The following CCSER1 variants were observed in gnomAD, a reference collection of about 807,000 sequenced individuals.
CCSER1 encodes the protein coiled-coil serine rich protein 1, also known as serine-rich coiled-coil domain-containing protein 1.
CCSER1 carries 41 observed loss-of-function variants against 82.0 expected under a neutral mutation model. That is an observed-to-expected ratio of 0.50 (90% CI 0.39 to 0.65). The LOEUF is 0.65. Among genes scored for constraint, CCSER1 ranks in the 30% least tolerant of loss-of-function variants. The pLI, the probability that CCSER1 is intolerant of heterozygous loss-of-function variation, is 0.00. For synonymous variants in CCSER1, 414 were observed against 383.9 expected, an observed-to-expected ratio of 1.08 and a Z score of -0.92; for missense variants, 1,119 against 1,064.2, an observed-to-expected ratio of 1.05 and a Z score of -0.72.
At chr4:90,239,163 A>G (rs1297066941) in intron 1 of CCSER1, among the ~76,000 whole-genome samples, 1 of 152,176 alleles carries the variant, frequency 6.6e-6, no homozygotes, top group East Asian at 1.9e-4. Flanking sequence ...GTTTTAGTCA[A>G]TAACAAAAAC....
chr4:90,622,343 A>C (rs141388373), intron 5 of CCSER1, among the ~76,000 whole-genome samples: 3 of 152,168 alleles, frequency 2.0e-5, no homozygotes. Flanking sequence ...ATATGTATAC[A>C]TGTGCCATGT....
chr4:90,159,914 T>G (rs1488660187), intron 1 of CCSER1, among the ~76,000 whole-genome samples: 1 of 152,252 alleles, frequency 6.6e-6, no homozygotes, highest in Non-Finnish European at 1.5e-5. Flanking sequence ...TAAGTATAAT[T>G]AAAATCATAG....
At chr4:90,916,907 GA>G (rs200434843) in intron 8 of CCSER1, among the ~76,000 whole-genome samples, 70,985 of 151,922 alleles carry the variant, frequency 0.47, 18,238 homozygotes, top group African/African-American at 0.7. Context: ...AGAGACACAT[GA>G]AAAAAATGCT....
chr4:91,201,324 T>G lies in CCSER1; in HGVS notation c.2217+115330T>G, dbSNP rs541904858. Among the ~76,000 whole-genome samples the G allele has an allele frequency of 1.4e-4, 21 of 152,166 alleles. 1 individual carries two copies. The South Asian group carries it at 4.3e-3, about 31-fold the overall frequency. On this transcript the variant is annotated intron_variant, in intron 10 of 10. Transcript: ENST00000509176. The stretch of plus-strand genomic sequence containing the variant: ...CCACTTTGTATGTAGAAATAACCTA[T>G]AAGCTCAGTTTCCATGAATAAATGA...
At chr4:91,291,746 A>G (rs1743767346) in intron 10 of CCSER1, among the ~76,000 whole-genome samples, 1 of 151,948 alleles carries the variant, frequency 6.6e-6, no homozygotes, top group Non-Finnish European at 1.5e-5. Flanking sequence ...GGGGATTACA[A>G]TTTGCCATGG....
chr4:91,082,560 G>T (rs540906208), intron 9 of CCSER1, among the ~76,000 whole-genome samples: 132 of 152,240 alleles, frequency 8.7e-4, no homozygotes, highest in African/African-American at 2.9e-3. Flanking sequence ...ATTGACAAAT[G>T]GGATCTAATT....
At chr4:91,295,865 G>A (rs974009262) in intron 10 of CCSER1, among the ~76,000 whole-genome samples, 1 of 151,762 alleles carries the variant, frequency 6.6e-6, no homozygotes, top group African/African-American at 2.4e-5. Flanking sequence ...TGTTTTAAAA[G>A]CCATTTGAGT....
At chr4:91,072,431 A>C (rs1173910436) in intron 9 of CCSER1, among the ~76,000 whole-genome samples, 1 of 152,028 alleles carries the variant, frequency 6.6e-6, no homozygotes. Context: ...TGAATTCAAA[A>C]CCAATCATTT....
At chr4:91,013,791 T>G (rs1279956272) in intron 9 of CCSER1, among the ~76,000 whole-genome samples, 4 of 127,842 alleles carry the variant, frequency 3.1e-5, no homozygotes, top group African/African-American at 1.0e-4. Flanking sequence ...TTTTTTTTTT[T>G]TTTGTATTTT....
chr4:91,003,261 A>G (rs1253154467), intron 9 of CCSER1, among the ~76,000 whole-genome samples: 1 of 152,022 alleles, frequency 6.6e-6, no homozygotes, highest in Non-Finnish European at 1.5e-5. Flanking sequence ...GGGAGGAAGA[A>G]GTGGTGGGCA....
At chr4:90,720,750 CTA>C (rs1227685547) in intron 6 of CCSER1, among the ~76,000 whole-genome samples, 1 of 151,896 alleles carries the variant, frequency 6.6e-6, no homozygotes, top group African/African-American at 2.4e-5. Flanking sequence ...GAAGATAATA[CTA>C]TGTTTCCCAA....
chr4:90,412,753 AC>A (rs1755087832), intron 4 of CCSER1, among the ~76,000 whole-genome samples: 1 of 152,172 alleles, frequency 6.6e-6, no homozygotes, highest in Non-Finnish European at 1.5e-5. Context: ...GAAGGGACAT[AC>A]CTTAAGGTAA....
chr4:90,723,954 C>T lies in CCSER1; in HGVS notation c.1973C>T (p.Pro658Leu), dbSNP rs371145987. 18 of 1,583,816 alleles carry T rather than the reference C, an allele frequency of 1.1e-5. No individual in the cohort carries two copies. In the African/African-American group the frequency reaches 2.4e-4, roughly 21 times the overall value. The change falls in exon 7 of 11, where the codon CCT (proline) becomes CTT (leucine). Residue 658 changes from proline to leucine, a missense_variant. Coordinates refer to ENST00000509176, the MANE Select transcript of CCSER1 (RefSeq NM_001145065.2). ...MSPASSTTSL[P>L]VSPLTEEPVP... The stretch of plus-strand genomic sequence containing the variant: ...CCAGCAAGCAGTACCACGTCACTTC[C>T]TGTTAGTCCTCTTACTGAAGAGCCA...
intron 10 of CCSER1, among the ~76,000 whole-genome samples, chr4:91,295,756 A>T (rs147960326): frequency 9.9e-4 from 151 of 152,030 alleles, no homozygotes; most frequent in African/African-American, 3.4e-3. Flanking sequence ...TGATGATAGC[A>T]CATCACAGTT....
chr4:91,534,054 T>G (rs1289566119), intron 10 of CCSER1, among the ~76,000 whole-genome samples: 2 of 152,068 alleles, frequency 1.3e-5, no homozygotes, highest in African/African-American at 2.4e-5. Flanking sequence ...CTCTGGCAAC[T>G]GTAGATTATC....
chr4:91,350,738 TAATA>T (rs1268152201), intron 10 of CCSER1, among the ~76,000 whole-genome samples: 1 of 152,072 alleles, frequency 6.6e-6, no homozygotes, highest in African/African-American at 2.4e-5. Flanking sequence ...TTAAGAATAT[TAATA>T]AATGTATAAT....
intron 7 of CCSER1, among the ~76,000 whole-genome samples, chr4:90,744,038 G>T (rs1488899263): frequency 6.6e-6 from 1 of 152,140 alleles, no homozygotes; most frequent in African/African-American, 2.4e-5. Context: ...ATTAATTGAG[G>T]TTCTCTTATG....
chr4:90,308,592 T>C lies in CCSER1; in HGVS notation c.308T>C (p.Leu103Pro). 1 of 1,613,956 alleles carries C rather than the reference T, an allele frequency of 6.2e-7. No individual in the cohort carries two copies. The highest frequency in any genetic ancestry group is 2.2e-5 in the East Asian group (1 of 44,882). Residue 103 changes from leucine (L) to proline (P), a missense_variant, in exon 2 of 11, where the codon CTG becomes CCG. By Grantham distance (98) the Leu-to-Pro change is moderately conservative (BLOSUM62 -3). Coordinates refer to ENST00000509176, the MANE Select transcript of CCSER1 (RefSeq NM_001145065.2). ...CCTGGTCACAGCAATATGCAGAAAC[T>C]GAGTTTGGAAGAACATATTAAGACC... ...AQPGHSNMQK[L>P]SLEEHIKTRG... is the part of the protein sequence containing the mutation.
At chr4:90,536,031 G>GTTTTTTTTTTTTTTTTTTTTTTTTTTGT (rs781671347) in intron 5 of CCSER1, among the ~76,000 whole-genome samples, 1 of 117,204 alleles carries the variant, frequency 8.5e-6, no homozygotes, top group African/African-American at 3.3e-5. Context: ...CTTTCTTTCT[G>GTTTTTTTTTTTTTTTTTTTTTTTTTTGT]TTTTTTTTTT....
Sources: gnomAD v4.1 joint callset for allele counts (sites outside exome capture counted in the v4.1 genomes callset) on GRCh38, gnomAD v4.1.1 for gene constraint, MANE v1.5 for transcripts, NCBI Gene and HGNC (gene_info 2026-07-23, HGNC 2026-07-21) for gene names.